SORCS1: variants seen among roughly 807,000 people sequenced by gnomAD.
SORCS1 encodes sortilin related VPS10 domain containing receptor 1, also known as VPS10 domain-containing receptor SorCS1.
SORCS1 carries 60 observed loss-of-function variants against 146.1 expected under a neutral mutation model. The ratio of observed to expected loss-of-function variants is 0.41; its 90% CI spans 0.33 to 0.51. The LOEUF (loss-of-function observed/expected upper bound fraction) is 0.51. SORCS1 is among the 20% of genes least tolerant of loss of function. The pLI, the probability that SORCS1 is intolerant of heterozygous loss-of-function variation, is 0.21. For missense variants in SORCS1, 1,352 were observed against 1,487.6 expected, an observed-to-expected ratio of 0.91 and a Z score of 1.50; for synonymous variants, 637 against 584.0, an observed-to-expected ratio of 1.09 and a Z score of -1.31.
chr10:106,627,576 A>G (rs1004484840), intron 19 of SORCS1, among the ~76,000 whole-genome samples: 4 of 152,196 alleles, frequency 2.6e-5, no homozygotes, highest in African/African-American at 9.7e-5. Context: ...TTCCCTACAT[A>G]CTAACATATA....
Position 106,796,846 on chromosome 10 carries a change from T to C in SORCS1, c.727-20154A>G, listed in dbSNP as rs1946583620. On this transcript the variant is annotated intron_variant, in intron 3 of 25. Coordinates refer to ENST00000263054, the MANE Select transcript of SORCS1 (RefSeq NM_052918.5). ...TGTACCTGGCCGGGCACAGTGGCTC[T>C]TGCCTGTAATCCCAGCACTTTGGGA... Among the ~76,000 whole-genome samples the C allele has an allele frequency of 2.6e-5, 4 of 152,338 alleles. No individual in the cohort carries two copies. In the South Asian group the frequency reaches 8.3e-4, roughly 32 times the overall value.
chr10:106,803,577 A>G (rs1051717682), intron 3 of SORCS1, among the ~76,000 whole-genome samples: 9 of 152,312 alleles, frequency 5.9e-5, no homozygotes, highest in African/African-American at 2.2e-4. Context: ...GGTCATACTC[A>G]GTATCTTCTC....
intron 8 of SORCS1, among the ~76,000 whole-genome samples, chr10:106,704,283 T>C (rs1171167954): frequency 6.6e-6 from 1 of 152,234 alleles, no homozygotes; most frequent in African/African-American, 2.4e-5. Context: ...GCTATTAATT[T>C]ACTAAGAAAG....
chr10:106,880,551 C>T (rs1589618731), intron 2 of SORCS1, among the ~76,000 whole-genome samples: 2 of 152,118 alleles, frequency 1.3e-5, no homozygotes, highest in African/African-American at 2.4e-5. Context: ...TCTAAACCAA[C>T]AGGTCTTGGA....
chr10:106,850,239 C>T (rs796220014), intron 2 of SORCS1, among the ~76,000 whole-genome samples: 2 of 152,034 alleles, frequency 1.3e-5, no homozygotes, highest in East Asian at 3.9e-4. Flanking sequence ...ATCAGCGAGA[C>T]TCCGTGGGTG....
intron 1 of SORCS1, among the ~76,000 whole-genome samples, chr10:106,962,051 A>T (rs1955251043): frequency 6.6e-6 from 1 of 152,124 alleles, no homozygotes; most frequent in African/African-American, 2.4e-5. Flanking sequence ...GTGTCAGTGG[A>T]TTTGTAAGGA....
intron 6 of SORCS1, among the ~76,000 whole-genome samples, chr10:106,713,134 G>A (rs1855115432): frequency 6.6e-6 from 1 of 152,130 alleles, no homozygotes; most frequent in Admixed American, 6.6e-5. Context: ...TTGCCCAAAG[G>A]AGCCAGTCTT....
chr10:106,594,785 C>T (rs1845811113), intron 24 of SORCS1, among the ~76,000 whole-genome samples: 1 of 152,192 alleles, frequency 6.6e-6, no homozygotes, highest in African/African-American at 2.4e-5. Context: ...TTGGCCACAT[C>T]CCTTCAAACC....
Position 106,671,308 on chromosome 10 carries a change from C to A in SORCS1, c.2118G>T (p.Lys706Asn). The A allele has an allele frequency of 6.2e-7, 1 of 1,614,168 alleles. No homozygotes were observed. The highest frequency in any genetic ancestry group is 8.5e-7 in the Non-Finnish European group (1 of 1,180,008). ...RIYKKRKSER[K>N]CMQGKYAGAM... is the part of the protein sequence containing the mutation. ...CTCCTGCATATTTTCCTTGCATACA[C>A]TTCCGCTCTGATTTTCGCTTCTTAT... The change falls in exon 16 of 26, where the codon AAG (lysine) becomes AAT (asparagine). Residue 706 changes from lysine to asparagine, a missense_variant. By Grantham distance (94) the Lys-to-Asn change is moderately conservative (BLOSUM62 0). This residue lies in a region of SORCS1 where 648 missense variants were observed against 793.8 expected (regional missense o/e 0.82). Coordinates refer to ENST00000263054, the MANE Select transcript of SORCS1 (RefSeq NM_052918.5).
At chr10:106,631,687 G>A (rs995005740) in intron 18 of SORCS1, among the ~76,000 whole-genome samples, 6 of 152,124 alleles carry the variant, frequency 3.9e-5, no homozygotes, top group Non-Finnish European at 7.3e-5. Flanking sequence ...AGGACAGAGG[G>A]GAGATTCACA....
chr10:107,062,735 C>A (rs1426290428), intron 1 of SORCS1, among the ~76,000 whole-genome samples: 1 of 152,268 alleles, frequency 6.6e-6, no homozygotes, highest in African/African-American at 2.4e-5. Flanking sequence ...CTATTACCTC[C>A]TTTCCTCTTA....
At chr10:106,896,499 G>C (rs1951484103) in intron 2 of SORCS1, among the ~76,000 whole-genome samples, 1 of 150,138 alleles carries the variant, frequency 6.7e-6, no homozygotes, top group East Asian at 2.0e-4. Context: ...GGGGAGAAAA[G>C]ACAGTTACTT....
chr10:107,032,576 G>A (rs1958709995), intron 1 of SORCS1, among the ~76,000 whole-genome samples: 1 of 152,166 alleles, frequency 6.6e-6, no homozygotes, highest in South Asian at 2.1e-4. Flanking sequence ...CCAGCAATGA[G>A]TTAGAAGAGC....
chr10:106,933,124 T>TG (rs1001040498), intron 2 of SORCS1, among the ~76,000 whole-genome samples: 3 of 152,150 alleles, frequency 2.0e-5, no homozygotes, highest in African/African-American at 7.2e-5. Context: ...CCATGACAAA[T>TG]GGCAAGATGG....
At chr10:106,941,338 T>C (rs1954032309) in intron 2 of SORCS1, among the ~76,000 whole-genome samples, 1 of 152,182 alleles carries the variant, frequency 6.6e-6, no homozygotes, top group Non-Finnish European at 1.5e-5. Context: ...TCAACATCAG[T>C]GTCACCATAA....
rs140061825 is a variant in SORCS1, at chr10:106,884,169, G to A, written c.627-54496C>T. Reference sequence around the variant, plus strand: ...TTGTAACTATATTCATGGCACTCCCGCAATGTTCTGTGAGAACTAAGGCTC... The same window carrying A: ...TTGTAACTATATTCATGGCACTCCCACAATGTTCTGTGAGAACTAAGGCTC... On this transcript the variant is annotated intron_variant, in intron 2 of 25. Coordinates refer to ENST00000263054, the MANE Select transcript of SORCS1 (RefSeq NM_052918.5). Among the ~76,000 whole-genome samples the A allele has an allele frequency of 1.4e-3, 213 of 151,830 alleles. 1 individual carries two copies. Among genetic ancestry groups the A allele is most frequent in the Non-Finnish European group, 1.9e-3 (132 of 67,952 alleles).
In SORCS1 at chr10:107,164,033, A is replaced by G; in HGVS notation, c.494T>C (p.Phe165Ser). The G allele has an allele frequency of 6.2e-7, 1 of 1,614,038 alleles. No individual in the cohort carries two copies. Among genetic ancestry groups the G allele is most frequent in the Non-Finnish European group, 8.5e-7 (1 of 1,180,004 alleles). Residue 165 changes from phenylalanine (F) to serine (S), a missense_variant, in exon 1 of 26, where the codon TTT becomes TCT. Around this residue, in one of 3 missense-constraint regions of SORCS1, gnomAD observed 490 missense variants for 489.1 expected, o/e 1.00. Transcript: ENST00000263054. The surrounding 1 kb of genome is among the most constrained non-coding windows in gnomAD (Gnocchi z 6.8). ...MEELRLTSTTFALTGDSAHNQ... is the reference protein window; with the variant it reads ...MEELRLTSTTSALTGDSAHNQ... ...GTGTGCTGAGTCTCCCGTCAGCGCA[A>G]ACGTGGTGCTGGTCAGTCTCAGCTC...
Position 107,164,141 on chromosome 10 carries a change from CG to C in SORCS1, c.385del (p.Arg129GlyfsTer4). 1 of 1,613,226 alleles carries C rather than the reference CG, an allele frequency of 6.2e-7. No homozygotes were observed. On this transcript the variant is annotated frameshift_variant, in exon 1 of 26. Coordinates refer to ENST00000263054, the MANE Select transcript of SORCS1 (RefSeq NM_052918.5). LOFTEE classifies it high-confidence loss of function. This position sits in a 1 kb window ranked among gnomAD's most constrained non-coding sequence, Gnocchi z 6.8. ...CTGCCCTCCATCTCTTAGCACTCCC[CG>C]GGGGCTCCGACTCGCGCCCTCTCCC... ...ERGEGASRSPRGVLRDGGQQE... is the reference protein window; with the variant it reads ...ERGEGASRSPXGVLRDGGQQE...
chr10:106,990,809 C>G (rs868713917), intron 1 of SORCS1, among the ~76,000 whole-genome samples: 1 of 152,098 alleles, frequency 6.6e-6, no homozygotes, highest in Non-Finnish European at 1.5e-5. Context: ...ATTAAACAGA[C>G]AAAAACCACC....
Sources: gnomAD v4.1 joint callset for allele counts (sites outside exome capture counted in the v4.1 genomes callset) on GRCh38, gnomAD v4.1.1 for gene constraint, gnomAD v4.1.1 regional missense constraint, Gnocchi (gnomAD v3.1) non-coding constraint, MANE v1.5 for transcripts, NCBI Gene and HGNC (gene_info 2026-07-23, HGNC 2026-07-21) for gene names.